The following RICTOR variants were observed in gnomAD, a reference collection of about 807,000 sequenced individuals.
RICTOR encodes the protein RPTOR independent companion of MTOR complex 2, also known as rapamycin-insensitive companion of mTOR.
Under a neutral mutation model 214.9 loss-of-function variants are expected in RICTOR, and 49 were observed. That is an observed-to-expected ratio of 0.23 (90% CI 0.18 to 0.29). The LOEUF (loss-of-function observed/expected upper bound fraction) is 0.29. Ranked by LOEUF, RICTOR falls within the 10% of genes least tolerant of loss-of-function variation. The pLI is 1.00. For missense variants in RICTOR, 1,625 were observed against 2,047.0 expected, an observed-to-expected ratio of 0.79 and a Z score of 3.98; for synonymous variants, 717 against 711.3, an observed-to-expected ratio of 1.01 and a Z score of -0.13.
chr5:39,060,977 T>C (rs1758502495), intron 2 of RICTOR, among the ~76,000 whole-genome samples: 1 of 152,068 alleles, frequency 6.6e-6, no homozygotes. Flanking sequence ...TATTAATACA[T>C]ATTCTCCTAA....
intron 27 of RICTOR, among the ~76,000 whole-genome samples, chr5:38,954,216 C>T (rs945040568): frequency 2.6e-5 from 4 of 151,770 alleles, no homozygotes; most frequent in East Asian, 1.9e-4. Context: ...ATAAGAGAAA[C>T]GTTACATTTA....
Position 38,949,923 on chromosome 5 carries a change from C to A in RICTOR, c.3925G>T (p.Ala1309Ser), listed in dbSNP as rs1331722213. 1 of 1,613,420 alleles carries A rather than the reference C, an allele frequency of 6.2e-7. No homozygotes were observed. Among genetic ancestry groups the A allele is most frequent in the African/African-American group, 1.3e-5 (1 of 74,958 alleles). ...RAQSLKAPSI[A>S]TIKSLADCNF... ...CAATCTGCTAGACTTTTAATTGTAGCAATAGAGGGTGCTTTAAGGGACTGT... is the reference window on the plus strand; with the variant it reads ...CAATCTGCTAGACTTTTAATTGTAGAAATAGAGGGTGCTTTAAGGGACTGT... The change falls in exon 31 of 38, where the codon GCT (alanine) becomes TCT (serine). Residue 1309 changes from alanine (A) to serine (S), a missense_variant. Physicochemically the swap from Ala to Ser is moderately conservative, Grantham distance 99. Coordinates refer to ENST00000357387, the MANE Select transcript of RICTOR (RefSeq NM_152756.5).
At chr5:39,036,488 G>A (rs1236865341) in intron 2 of RICTOR, among the ~76,000 whole-genome samples, 3 of 152,126 alleles carry the variant, frequency 2.0e-5, no homozygotes, top group Non-Finnish European at 4.4e-5. Context: ...AATGTAAATA[G>A]GCTAAATGCT....
rs1381121408 is a variant in RICTOR, at chr5:38,942,253, C to T, written c.*51G>A. Reference sequence around the variant, plus strand: ...TATTTTCTGAGGCTTTTAGGAAATCCACAAATATGAATATATATAGTATGT... The same window carrying T: ...TATTTTCTGAGGCTTTTAGGAAATCTACAAATATGAATATATATAGTATGT... On this transcript the variant is annotated 3_prime_UTR_variant, in exon 38 of 38. Transcript: ENST00000357387. The T allele has an allele frequency of 6.2e-6, 7 of 1,134,894 alleles. No individual in the cohort carries two copies. Among genetic ancestry groups the T allele is most frequent in the Middle Eastern group, 2.0e-4 (1 of 4,936 alleles). The allele number at this position is 1,134,894 out of a possible 1,614,324, so 70.3% of individuals were successfully genotyped here.
intron 2 of RICTOR, among the ~76,000 whole-genome samples, chr5:39,023,842 C>G (rs1167852689): frequency 6.6e-6 from 1 of 152,140 alleles, no homozygotes; most frequent in Non-Finnish European, 1.5e-5. Flanking sequence ...CACTACTTAG[C>G]TATTTCCAAT....
At chr5:39,074,250 C>A in intron 1 of RICTOR, 79 bp downstream of exon 1, 1 of 1,583,360 alleles carries the variant, frequency 6.3e-7, no homozygotes, top group South Asian at 1.1e-5. Context: ...GCTCGCTCCC[C>A]AACCCAGGGC....
intron 2 of RICTOR, among the ~76,000 whole-genome samples, chr5:39,073,076 C>T (rs1258584406): frequency 4.6e-5 from 7 of 152,196 alleles, no homozygotes; most frequent in Admixed American, 4.6e-4. Flanking sequence ...ACAGTCATTA[C>T]GTCAGGTACG....
chr5:38,970,127 A>G (rs1255484555), intron 11 of RICTOR: 1 of 152,236 alleles, frequency 6.6e-6, no homozygotes, highest in Non-Finnish European at 1.5e-5. Flanking sequence ...CACATAACCT[A>G]GGTGTGTAGT....
chr5:38,949,562 G>A (rs998980445), intron 31 of RICTOR, 150 bp downstream of exon 31: 23 of 1,032,800 alleles, frequency 2.2e-5, no homozygotes, highest in South Asian at 3.3e-5. Flanking sequence ...AAGTCATATC[G>A]GGTAACAAGG....
At chr5:39,065,071 T>C (rs931991984) in intron 2 of RICTOR, among the ~76,000 whole-genome samples, 13 of 152,198 alleles carry the variant, frequency 8.5e-5, no homozygotes, top group Admixed American at 3.3e-4. Flanking sequence ...ATTCTTGCAT[T>C]GTTACAAAGA....
intron 5 of RICTOR, among the ~76,000 whole-genome samples, chr5:38,997,690 A>C (rs1487789769): frequency 6.6e-6 from 1 of 152,210 alleles, no homozygotes; most frequent in African/African-American, 2.4e-5. Context: ...AACAACTGTT[A>C]AAAGGGCAAT....
Position 39,003,580 on chromosome 5 carries a change from G to A in RICTOR, c.238C>T (p.His80Tyr). ...TACCAAATTATGATATCCTCATAGT[G>A]AAAGCCCAGTTTTTCTTCACTGTGG... ...IGHSEEKLGF[H>Y]YEDIIICLRL... Residue 80 changes from histidine (H) to tyrosine (Y), a missense_variant, in exon 4 of 38, where the codon CAC becomes TAC. Physicochemically the swap from His to Tyr is moderately conservative, Grantham distance 83. Transcript: ENST00000357387. 6.2e-7 allele frequency: 1 copy of A among 1,609,122 alleles called. No individual in the cohort carries two copies. The highest frequency in any genetic ancestry group is 1.7e-4 in the Middle Eastern group (1 of 5,914).
At chr5:39,047,316 G>A (rs1201829357) in intron 2 of RICTOR, among the ~76,000 whole-genome samples, 1 of 152,126 alleles carries the variant, frequency 6.6e-6, no homozygotes, top group Non-Finnish European at 1.5e-5. Flanking sequence ...CTCATAAGGA[G>A]GGCACGACCT....
chr5:38,981,977 C>G lies in RICTOR; in HGVS notation c.643G>C (p.Val215Leu). Residue 215 changes from valine (V) to leucine (L), a missense_variant, in exon 8 of 38, where the codon GTG (valine) becomes CTG (leucine). Around this residue, in one of 5 missense-constraint regions of RICTOR, gnomAD observed 258 missense variants for 393.7 expected, o/e 0.66. Coordinates refer to ENST00000357387, the MANE Select transcript of RICTOR (RefSeq NM_152756.5). ...RGGLNTILKN[V>L]IDCQLSRINE... ...ATTCGACTTAATTGGCAATCGATCA[C>G]ATTTTTCAAGATGGTGTTTAGTCCA... The G allele has an allele frequency of 6.2e-7, 1 of 1,613,378 alleles. No homozygotes were observed. The highest frequency in any genetic ancestry group is 8.5e-7 in the Non-Finnish European group (1 of 1,179,410).
At position 38,962,759 on chromosome 5, in the gene RICTOR, C is replaced by T; in HGVS notation, c.1566+117G>A. 3 of 928,138 alleles carry T rather than the reference C, an allele frequency of 3.2e-6. No homozygotes were observed. In the South Asian group the frequency reaches 5.2e-5, roughly 16 times the overall value. 57.5% of individuals were successfully genotyped at this position (928,138 alleles called of 1,614,324 possible). On this transcript the variant is annotated intron_variant, in intron 17 of 37. Transcript: ENST00000357387. Reference sequence around the variant, plus strand: ...CCAAATTATAAAACTCAGAAGCCATCTGAAAATTCATATGCATGAAGAGAA... The same window carrying T: ...CCAAATTATAAAACTCAGAAGCCATTTGAAAATTCATATGCATGAAGAGAA...
chr5:38,949,331 C>A, intron 31 of RICTOR: 1 of 1,472,546 alleles, frequency 6.8e-7, no homozygotes. Context: ...AAGAGGTCAA[C>A]TTTTGGAGCC....
intron 10 of RICTOR, among the ~76,000 whole-genome samples, chr5:38,972,810 C>A (rs1365288381): frequency 4.0e-5 from 6 of 149,704 alleles, no homozygotes; most frequent in Non-Finnish European, 8.9e-5. Context: ...TATGGAATTG[C>A]TCAAAGAAGC....
chr5:39,058,555 T>C (rs1758337765), intron 2 of RICTOR, among the ~76,000 whole-genome samples: 1 of 152,108 alleles, frequency 6.6e-6, no homozygotes. Context: ...ACTCTTAAAA[T>C]AGAGAATCAG....
At chr5:39,063,814 T>A (rs1758710643) in intron 2 of RICTOR, among the ~76,000 whole-genome samples, 1 of 149,830 alleles carries the variant, frequency 6.7e-6, no homozygotes, top group African/African-American at 2.5e-5. Context: ...CCATTACAAA[T>A]CCAAATTAAC....
Sources: allele counts gnomAD v4.1 joint callset (sites outside exome capture counted in the v4.1 genomes callset), GRCh38; gene constraint gnomAD v4.1.1; regional missense constraint gnomAD v4.1.1; transcripts MANE v1.5; gene names NCBI Gene and HGNC (gene_info 2026-07-23, HGNC 2026-07-21).